Variants in TBC1D14 observed in about 807,000 individuals in gnomAD.
TBC1D14 encodes TBC1 domain family, member 14.
A neutral mutation model predicts 79.0 loss-of-function variants in TBC1D14; 26 were observed. The observed-to-expected ratio is 0.33, with a 90% CI of 0.24 to 0.46. The LOEUF (loss-of-function observed/expected upper bound fraction) is 0.46. TBC1D14 is among the 20% of genes least tolerant of loss of function. The probability of loss-of-function intolerance (pLI) is 1.00; values close to 1 mark genes in which losing one functional copy is unlikely to be tolerated. For missense variants in TBC1D14, 769 were observed against 887.6 expected, an observed-to-expected ratio of 0.87 and a Z score of 1.70; for synonymous variants, 394 against 349.9, an observed-to-expected ratio of 1.13 and a Z score of -1.40.
intron 3 of TBC1D14, among the ~76,000 whole-genome samples, chr4:6,992,236 C>A (rs559878193): frequency 1.3e-5 from 2 of 152,380 alleles, no homozygotes; most frequent in African/African-American, 4.8e-5. Flanking sequence ...GTTGGTGGAT[C>A]TGAATTTGCT....
intron 3 of TBC1D14, among the ~76,000 whole-genome samples, chr4:6,972,303 A>AT (rs1716293015): frequency 1.3e-5 from 2 of 152,208 alleles, no homozygotes; most frequent in Non-Finnish European, 2.9e-5. Context: ...GTTGTGAAGA[A>AT]TTGCGGTGAT....
intron 1 of TBC1D14, among the ~76,000 whole-genome samples, chr4:6,920,406 C>G (rs1233072024): frequency 6.6e-6 from 1 of 152,048 alleles, no homozygotes; most frequent in Non-Finnish European, 1.5e-5. Flanking sequence ...TCTTGAGTAA[C>G]TGGGACTACA....
chr4:6,948,219 A>G (rs1560271715), intron 2 of TBC1D14, among the ~76,000 whole-genome samples: 1 of 152,182 alleles, frequency 6.6e-6, no homozygotes. Flanking sequence ...AGAGACTATG[A>G]CTAGAACCCC....
chr4:6,993,050 A>G (rs1718668211), intron 3 of TBC1D14, among the ~76,000 whole-genome samples: 1 of 152,224 alleles, frequency 6.6e-6, no homozygotes, highest in Admixed American at 6.5e-5. Flanking sequence ...GGCTAAGAGA[A>G]TAATTGCTTG....
chr4:7,001,045 A>G (rs902834792), intron 6 of TBC1D14, 100 bp from the exon 7 acceptor site: 8 of 906,136 alleles, frequency 8.8e-6, no homozygotes, highest in Non-Finnish European at 1.2e-5. Flanking sequence ...GCCTGATGCA[A>G]CGGTGCATCC....
At chr4:6,935,887 A>C (rs1440755952) in intron 2 of TBC1D14, among the ~76,000 whole-genome samples, 1 of 151,878 alleles carries the variant, frequency 6.6e-6, no homozygotes, top group Non-Finnish European at 1.5e-5. Context: ...CAAGTGATTC[A>C]CCCACCTCGG....
In TBC1D14 at chr4:7,010,752, A is replaced by G. The variant is rs1336050553; in HGVS notation, c.1618A>G (p.Met540Val). Reference protein sequence around the residue: ...FSNLLNKPCQMAFFRVDHGLM... With the variant: ...FSNLLNKPCQVAFFRVDHGLM... ...TAACCTTCTGAATAAACCCTGTCAA[A>G]TGGCGTTTTTTAGAGTGGACCATGG... The change falls in exon 11 of 14, where the codon ATG (methionine) becomes GTG (valine). Residue 540 changes from methionine to valine, a missense_variant. This residue lies in a region of TBC1D14 where 367 missense variants were observed against 494.4 expected (regional missense o/e 0.74). Coordinates refer to ENST00000409757, the MANE Select transcript of TBC1D14 (RefSeq NM_020773.3). 6.2e-7 allele frequency: 1 copy of G among 1,613,666 alleles called. No homozygotes were observed. The highest frequency in any genetic ancestry group is 8.5e-7 in the Non-Finnish European group (1 of 1,179,912).
At chr4:6,998,850 A>G in intron 5 of TBC1D14, 1 of 461,442 alleles carries the variant, frequency 2.2e-6, no homozygotes, top group Non-Finnish European at 3.9e-6. Flanking sequence ...ACTGAATCGT[A>G]TTCTTCTTTG....
intron 3 of TBC1D14, among the ~76,000 whole-genome samples, chr4:6,984,960 C>T (rs192562357): frequency 5.5e-4 from 83 of 152,228 alleles, no homozygotes; most frequent in African/African-American, 1.8e-3. Context: ...CAATTGATGC[C>T]GCTTCCCAGA....
intron 3 of TBC1D14, among the ~76,000 whole-genome samples, chr4:6,977,911 G>A (rs7674593): frequency 0.05 from 7,465 of 150,586 alleles, 99 homozygotes; most frequent in South Asian, 0.063. Context: ...TGGGATGTGA[G>A]GAGCGTCTCT....
intron 2 of TBC1D14, among the ~76,000 whole-genome samples, chr4:6,935,604 G>A (rs1158807020): frequency 6.6e-6 from 1 of 150,734 alleles, no homozygotes; most frequent in East Asian, 1.9e-4. Flanking sequence ...CATGCTTGTA[G>A]TCTATTGTTT....
intron 2 of TBC1D14, among the ~76,000 whole-genome samples, chr4:6,937,946 G>A (rs551380521): frequency 7.9e-5 from 12 of 152,222 alleles, no homozygotes; most frequent in Non-Finnish European, 5.9e-5. Flanking sequence ...GGCTCCCCCC[G>A]GGGCCGTTGC....
intron 2 of TBC1D14, among the ~76,000 whole-genome samples, chr4:6,953,415 A>T (rs1254892598): frequency 7.4e-6 from 1 of 134,826 alleles, no homozygotes; most frequent in Non-Finnish European, 1.6e-5. Context: ...AGGTCAGGAG[A>T]TCGAGACCAT....
intron 2 of TBC1D14, among the ~76,000 whole-genome samples, chr4:6,945,463 G>A (rs1713337567): frequency 6.6e-6 from 1 of 152,140 alleles, no homozygotes; most frequent in African/African-American, 2.4e-5. Context: ...ATTAAAGAAA[G>A]CATAGCTGGT....
intron 12 of TBC1D14, among the ~76,000 whole-genome samples, chr4:7,024,797 T>C (rs1722180662): frequency 6.6e-6 from 1 of 152,200 alleles, no homozygotes; most frequent in Non-Finnish European, 1.5e-5. Context: ...AGCTGTGTGC[T>C]GCATGATTCT....
chr4:6,967,475 A>G (rs1329824983), intron 3 of TBC1D14, 51 bp downstream of exon 3: 3 of 1,595,490 alleles, frequency 1.9e-6, no homozygotes, highest in Admixed American at 3.5e-5. Context: ...TGTTTAGCAT[A>G]TATTCATGAA....
Position 6,994,104 on chromosome 4 carries a change from A to C in TBC1D14, c.844-80A>C. ...GAAATTGGCTTAAAAGAGTTTCATG[A>C]CAAAACAACTTTCTTACTTTCCGAA... On this transcript the variant is annotated intron_variant, in intron 3 of 13. Coordinates refer to ENST00000409757, the MANE Select transcript of TBC1D14 (RefSeq NM_020773.3). The C allele has an allele frequency of 5.5e-6, 7 of 1,274,080 alleles. No individual in the cohort carries two copies. In the South Asian group the frequency reaches 8.4e-5, roughly 15 times the overall value. 78.9% of individuals were successfully genotyped at this position (1,274,080 alleles called of 1,614,324 possible).
At chr4:7,012,347 C>G (rs1385070574) in intron 11 of TBC1D14, among the ~76,000 whole-genome samples, 1 of 150,998 alleles carries the variant, frequency 6.6e-6, no homozygotes, top group Non-Finnish European at 1.5e-5. Flanking sequence ...GTAGCTATTA[C>G]TGGGACTGTA....
intron 2 of TBC1D14, among the ~76,000 whole-genome samples, chr4:6,947,306 A>T (rs572597892): frequency 1.8e-4 from 27 of 152,210 alleles, no homozygotes; most frequent in African/African-American, 5.8e-4. Flanking sequence ...GACCATCCTG[A>T]CTACCACGGT....
Sources: allele counts gnomAD v4.1 joint callset (sites outside exome capture counted in the v4.1 genomes callset), GRCh38; gene constraint gnomAD v4.1.1; regional missense constraint gnomAD v4.1.1; transcripts MANE v1.5; gene names NCBI Gene and HGNC (gene_info 2026-07-23, HGNC 2026-07-21).